The following THSD4 variants were observed in gnomAD, a reference collection of about 807,000 sequenced individuals.
THSD4 encodes thrombospondin type-1 domain-containing protein 4.
THSD4 carries 69 observed loss-of-function variants against 119.0 expected under a neutral mutation model. The ratio of observed to expected loss-of-function variants is 0.58; its 90% CI spans 0.48 to 0.71. The LOEUF (loss-of-function observed/expected upper bound fraction) is 0.71. Ranked by LOEUF, THSD4 falls within the 30% of genes least tolerant of loss-of-function variation. The pLI is 0.00. For synonymous variants in THSD4, 524 were observed against 540.4 expected (o/e 0.97, Z 0.42); for missense variants, 1,393 against 1,391.1 (o/e 1.00, Z -0.02).
intron 3 of THSD4, among the ~76,000 whole-genome samples, chr15:71,195,594 A>G (rs2043712518): frequency 6.6e-6 from 1 of 152,212 alleles, no homozygotes; most frequent in Non-Finnish European, 1.5e-5. Context: ...TTGAGTCCAT[A>G]CTAGAGAGAC....
chr15:71,288,040 A>G (rs565658348), intron 6 of THSD4, among the ~76,000 whole-genome samples: 6 of 152,196 alleles, frequency 3.9e-5, no homozygotes, highest in Non-Finnish European at 7.3e-5. Flanking sequence ...TACAAAGTGC[A>G]CTGGGTGATA....
chr15:71,163,208 T>C (rs1361871199), intron 3 of THSD4, among the ~76,000 whole-genome samples: 1 of 151,972 alleles, frequency 6.6e-6, no homozygotes, highest in Non-Finnish European at 1.5e-5. Flanking sequence ...TTTTTCATGT[T>C]TCTTGTGTCC....
chr15:71,529,178 T>A (rs995176950), intron 7 of THSD4, among the ~76,000 whole-genome samples: 2 of 152,156 alleles, frequency 1.3e-5, no homozygotes, highest in African/African-American at 4.8e-5. Flanking sequence ...CCTGGGTCCT[T>A]AAGTGGTTGT....
chr15:71,200,391 C>A (rs570490238), intron 3 of THSD4, among the ~76,000 whole-genome samples: 1 of 152,192 alleles, frequency 6.6e-6, no homozygotes, highest in Admixed American at 6.5e-5. Context: ...GGCACTGGAT[C>A]CTGGTGAGCT....
intron 3 of THSD4, among the ~76,000 whole-genome samples, chr15:71,198,294 G>GGC (rs1302680408): frequency 1.5e-3 from 225 of 152,312 alleles, no homozygotes; most frequent in African/African-American, 5.2e-3. Flanking sequence ...GGAGAATGCG[G>GGC]TGGGGAAAAG....
intron 6 of THSD4, among the ~76,000 whole-genome samples, chr15:71,377,734 C>G (rs16953734): frequency 0.016 from 2,400 of 152,170 alleles, 74 homozygotes; most frequent in African/African-American, 0.055. Context: ...CAGGGAAACT[C>G]TTTTGCTGAC....
At chr15:71,295,295 C>T (rs897652410) in intron 6 of THSD4, among the ~76,000 whole-genome samples, 1 of 152,276 alleles carries the variant, frequency 6.6e-6, no homozygotes, top group South Asian at 2.1e-4. Context: ...GATGAACTCT[C>T]AAGGCCAAGT....
chr15:71,650,393 C>T (rs974362282), intron 7 of THSD4, among the ~76,000 whole-genome samples: 4 of 152,234 alleles, frequency 2.6e-5, no homozygotes, highest in African/African-American at 7.2e-5. Context: ...GATTCAGTAG[C>T]CCTGGGAAGC....
chr15:71,243,135 G>A (rs1242269887), intron 5 of THSD4, 39 bp downstream of exon 5: 10 of 1,562,374 alleles, frequency 6.4e-6, no homozygotes, highest in Non-Finnish European at 8.7e-6. Context: ...GGAAACAGCT[G>A]CCCCTCGTTT....
intron 8 of THSD4, among the ~76,000 whole-genome samples, chr15:71,704,540 G>A (rs2052358637): frequency 6.6e-6 from 1 of 152,200 alleles, no homozygotes; most frequent in Non-Finnish European, 1.5e-5. Flanking sequence ...CAGCCATGTG[G>A]AACTGTGAGT....
chr15:71,615,501 T>C (rs1052696061), intron 7 of THSD4, among the ~76,000 whole-genome samples: 1 of 152,126 alleles, frequency 6.6e-6, no homozygotes, highest in Non-Finnish European at 1.5e-5. Context: ...ATGTATTTTA[T>C]ACTATATAAT....
chr15:71,114,754 G>T (rs886542197), upstream of THSD4, among the ~76,000 whole-genome samples: 1 of 152,028 alleles, frequency 6.6e-6, no homozygotes, highest in African/African-American at 2.4e-5. Flanking sequence ...TTTGCAGCAG[G>T]CTTTTTTTTC....
intron 4 of THSD4, among the ~76,000 whole-genome samples, chr15:71,236,335 C>G (rs2044105615): frequency 6.6e-6 from 1 of 152,222 alleles, no homozygotes; most frequent in African/African-American, 2.4e-5. Flanking sequence ...GGCTTTCCAG[C>G]TCTGACAGCT....
intron 8 of THSD4, among the ~76,000 whole-genome samples, chr15:71,714,978 G>A (rs951674464): frequency 6.6e-5 from 10 of 152,210 alleles, no homozygotes; most frequent in Non-Finnish European, 1.5e-4. Context: ...TGAGTGGGTG[G>A]ACAAGCTGCC....
intron 7 of THSD4, among the ~76,000 whole-genome samples, chr15:71,612,906 ATAGAT>A (rs1217977865): frequency 2.0e-5 from 3 of 152,346 alleles, no homozygotes; most frequent in Non-Finnish European, 4.4e-5. Context: ...AAGTAAACTC[ATAGAT>A]TAGTTTTTTG....
chr15:71,222,569 C>G (rs1032357584), intron 4 of THSD4, among the ~76,000 whole-genome samples: 3 of 152,154 alleles, frequency 2.0e-5, no homozygotes, highest in African/African-American at 7.2e-5. Flanking sequence ...AAATCATGAC[C>G]CTGTTCCCAC....
intron 6 of THSD4, among the ~76,000 whole-genome samples, chr15:71,281,578 A>G (rs760846970): frequency 3.3e-5 from 5 of 152,240 alleles, no homozygotes; most frequent in Non-Finnish European, 5.9e-5. Context: ...ACGATTCTTC[A>G]TTTTATTAAA....
At chr15:71,635,888 G>A (rs1384565863) in intron 7 of THSD4, among the ~76,000 whole-genome samples, 2 of 152,272 alleles carry the variant, frequency 1.3e-5, no homozygotes, top group Middle Eastern at 3.4e-3. Flanking sequence ...CCATTTTATA[G>A]ATGAGGAAAC....
chr15:71,715,775 GTTT>G (rs3086733), intron 8 of THSD4, among the ~76,000 whole-genome samples: 80,017 of 147,976 alleles, frequency 0.54, 25,755 homozygotes, highest in East Asian at 0.79. Context: ...TAGGCTCTGG[GTTT>G]TTTTTTTTTT....
Sources: allele counts gnomAD v4.1 joint callset (sites outside exome capture counted in the v4.1 genomes callset), GRCh38; gene constraint gnomAD v4.1.1; transcripts MANE v1.5; gene names NCBI Gene and HGNC (gene_info 2026-07-23, HGNC 2026-07-21).